MAGI1: variants seen among roughly 807,000 people sequenced by gnomAD.
MAGI1 encodes membrane-associated guanylate kinase, WW and PDZ domain-containing protein 1.
A neutral mutation model predicts 139.9 loss-of-function variants in MAGI1; 58 were observed. The ratio of observed to expected loss-of-function variants is 0.41; its 90% CI spans 0.34 to 0.52. MAGI1 has a LOEUF of 0.52. Ranked by LOEUF, MAGI1 falls within the 20% of genes least tolerant of loss-of-function variation. The pLI is 0.12. For synonymous variants in MAGI1, 812 were observed against 737.9 expected (o/e 1.10, Z -1.63); for missense variants, 1,874 against 1,901.6 (o/e 0.99, Z 0.27).
At position 65,689,406 on chromosome 3, in the gene MAGI1, CTCAG is replaced by C. The variant is rs562686563; in HGVS notation, c.314-67322_314-67319del. On this transcript the variant is annotated intron_variant, in intron 1 of 22. Transcript: ENST00000402939. ...AATACACTTCACCTTCAAATTTGCACTCAGTATCTTCTTTCCTAAACCTACATTT... is the reference window on the plus strand; with the variant it reads ...AATACACTTCACCTTCAAATTTGCACTATCTTCTTTCCTAAACCTACATTT... Among the ~76,000 whole-genome samples, 159 of 152,284 alleles carry C rather than the reference CTCAG, an allele frequency of 1.0e-3. No individual in the cohort carries two copies. In the South Asian group the frequency reaches 0.028, roughly 27 times the overall value.
intron 1 of MAGI1, among the ~76,000 whole-genome samples, chr3:65,775,946 A>C (rs1450429713): frequency 6.6e-6 from 1 of 151,824 alleles, no homozygotes; most frequent in Non-Finnish European, 1.5e-5. Context: ...TGTCTTTAAA[A>C]AAAAAAAAAA....
chr3:65,894,819 A>G lies in MAGI1; in HGVS notation c.313+143177T>C, dbSNP rs79945986. On this transcript the variant is annotated intron_variant, in intron 1 of 22. Coordinates refer to ENST00000402939, the MANE Select transcript of MAGI1 (RefSeq NM_001033057.2). ...GCTTTTGAAAAGGCCAATCCCAGCT[A>G]TGAGTGTCTCTTCTGGCATGGGAAA... is the stretch of plus-strand genomic sequence containing the variant. 7.1e-3 allele frequency among the ~76,000 whole-genome samples: 1,079 copies of G among 152,330 alleles called. 12 individuals carry two copies. The highest frequency in any genetic ancestry group is 0.025 in the African/African-American group (1,027 of 41,572).
At chr3:65,456,917 T>C (rs1374219885) in intron 5 of MAGI1, among the ~76,000 whole-genome samples, 1 of 152,218 alleles carries the variant, frequency 6.6e-6, no homozygotes, top group Non-Finnish European at 1.5e-5. Flanking sequence ...ACACAGTCTT[T>C]ATTATTGTGA....
At chr3:65,819,379 T>C (rs2041804588) in intron 1 of MAGI1, among the ~76,000 whole-genome samples, 1 of 152,216 alleles carries the variant, frequency 6.6e-6, no homozygotes, top group Non-Finnish European at 1.5e-5. Flanking sequence ...TATCATTGCT[T>C]AATTCACTTG....
intron 1 of MAGI1, among the ~76,000 whole-genome samples, chr3:65,633,057 C>T (rs2084403346): frequency 6.6e-6 from 1 of 152,196 alleles, no homozygotes; most frequent in Admixed American, 6.5e-5. Context: ...GGAGGTTCAG[C>T]AATCTGTGTT....
chr3:65,824,622 A>G (rs184880119), intron 1 of MAGI1, among the ~76,000 whole-genome samples: 102 of 152,286 alleles, frequency 6.7e-4, no homozygotes, highest in African/African-American at 2.4e-3. Flanking sequence ...TCTCTTTCCA[A>G]CATTAATGAA....
At chr3:65,911,638 G>A (rs2061674033) in intron 1 of MAGI1, among the ~76,000 whole-genome samples, 1 of 152,042 alleles carries the variant, frequency 6.6e-6, no homozygotes, top group South Asian at 2.1e-4. Context: ...TTATTTTTAA[G>A]CCCTTCAAAG....
At chr3:66,030,543 G>T (rs1311857900) in intron 1 of MAGI1, among the ~76,000 whole-genome samples, 9 of 152,166 alleles carry the variant, frequency 5.9e-5, no homozygotes, top group Admixed American at 5.9e-4. Flanking sequence ...GTAAAATAAA[G>T]CTGAGAGGGG....
intron 1 of MAGI1, among the ~76,000 whole-genome samples, chr3:65,735,097 T>C (rs1022439143): frequency 2.6e-5 from 4 of 152,188 alleles, no homozygotes; most frequent in African/African-American, 7.2e-5. Context: ...CAAAGCTAAA[T>C]TTAAATATCT....
chr3:65,763,304 T>C (rs2037188238), intron 1 of MAGI1, among the ~76,000 whole-genome samples: 2 of 152,290 alleles, frequency 1.3e-5, no homozygotes, highest in East Asian at 1.9e-4. Context: ...AATATAAAAG[T>C]ATCTAGGTTT....
chr3:65,406,906 T>C (rs1198482730), intron 12 of MAGI1, among the ~76,000 whole-genome samples: 2 of 152,094 alleles, frequency 1.3e-5, no homozygotes, highest in Non-Finnish European at 2.9e-5. Context: ...GACTGTGAGG[T>C]CTTGGTCAAG....
chr3:66,009,531 T>C (rs1213264357), intron 1 of MAGI1, among the ~76,000 whole-genome samples: 2 of 151,740 alleles, frequency 1.3e-5, no homozygotes, highest in Non-Finnish European at 2.9e-5. Flanking sequence ...AAGTAAGGAA[T>C]ATCTGAATTC....
intron 1 of MAGI1, among the ~76,000 whole-genome samples, chr3:65,907,982 A>C (rs1452303096): frequency 6.6e-6 from 1 of 152,128 alleles, no homozygotes; most frequent in East Asian, 1.9e-4. Context: ...TCTAGTGCTT[A>C]TGATTATCTG....
At chr3:65,723,182 C>G (rs1344922109) in intron 1 of MAGI1, among the ~76,000 whole-genome samples, 1 of 152,158 alleles carries the variant, frequency 6.6e-6, no homozygotes, top group Non-Finnish European at 1.5e-5. Flanking sequence ...TAAGAAGAGA[C>G]ACAGTTCAGG....
chr3:66,005,252 G>C (rs1488362983), intron 1 of MAGI1, among the ~76,000 whole-genome samples: 1 of 152,184 alleles, frequency 6.6e-6, no homozygotes, highest in African/African-American at 2.4e-5. Context: ...CTTCAATAAT[G>C]CTGCATCTCC....
intron 1 of MAGI1, among the ~76,000 whole-genome samples, chr3:65,705,981 G>A (rs1576816154): frequency 6.6e-6 from 1 of 152,300 alleles, no homozygotes; most frequent in African/African-American, 2.4e-5. Context: ...CCAGCTCTGA[G>A]TCCATGAGTA....
intron 2 of MAGI1, among the ~76,000 whole-genome samples, chr3:65,611,313 A>T (rs1346569473): frequency 2.1e-5 from 3 of 142,058 alleles, no homozygotes; most frequent in South Asian, 2.2e-4. Flanking sequence ...CTATATGTAC[A>T]TATATGTACA....
chr3:65,950,957 AGAGAAGGAAGGAAG>A (rs2063809321), intron 1 of MAGI1, among the ~76,000 whole-genome samples: 1 of 134,502 alleles, frequency 7.4e-6, no homozygotes, highest in Non-Finnish European at 1.6e-5. Context: ...GTGAGAAGAA[AGAGAAGGAAGGAAG>A]GAAGGAAGGA....
chr3:65,715,611 C>T (rs1458937499), intron 1 of MAGI1, among the ~76,000 whole-genome samples: 2 of 152,058 alleles, frequency 1.3e-5, no homozygotes, highest in South Asian at 2.1e-4. Context: ...CAAAAAGACA[C>T]GTACACACAA....
Sources: allele counts gnomAD v4.1 joint callset (sites outside exome capture counted in the v4.1 genomes callset), GRCh38; gene constraint gnomAD v4.1.1; transcripts MANE v1.5; gene names NCBI Gene and HGNC (gene_info 2026-07-23, HGNC 2026-07-21).